PIP4K2A: variants seen among roughly 807,000 people sequenced by gnomAD.
PIP4K2A encodes phosphatidylinositol 5-phosphate 4-kinase type-2 alpha.
A neutral mutation model predicts 42.9 loss-of-function variants in PIP4K2A; 14 were observed. The observed-to-expected ratio is 0.33, with a 90% CI of 0.22 to 0.51. The LOEUF (loss-of-function observed/expected upper bound fraction) is 0.51, where lower values mean the gene tolerates loss of function less well. Ranked by LOEUF, PIP4K2A falls within the 20% of genes least tolerant of loss-of-function variation. PIP4K2A has a pLI of 0.97. For missense variants in PIP4K2A, 434 were observed against 519.8 expected (o/e 0.83, Z 1.61); for synonymous variants, 192 against 192.2 (o/e 1.00, Z 0.01).
At chr10:22,708,439 G>A (rs16922619) in intron 1 of PIP4K2A, among the ~76,000 whole-genome samples, 6,081 of 152,110 alleles carry the variant, frequency 0.04, 309 homozygotes, top group African/African-American at 0.12. Context: ...AGTGGCTCCC[G>A]AGCTCCAATC....
chr10:22,546,418 A>C lies in PIP4K2A; in HGVS notation c.792+4241T>G, dbSNP rs567759475. 3.9e-5 allele frequency among the ~76,000 whole-genome samples: 6 copies of C among 152,164 alleles called. No homozygotes were observed. In the East Asian group the frequency reaches 9.7e-4, roughly 25 times the overall value. On this transcript the variant is annotated intron_variant, in intron 7 of 9. Transcript: ENST00000376573. ...CACGGGCTCTCATCTTCAAAACGTT[A>C]AATTTCTTTTTGAGACAGGGTCTGG...
At position 22,595,665 on chromosome 10, in the gene PIP4K2A, G is replaced by A. The variant is rs553316868; in HGVS notation, c.340-3884C>T. ...CCAGCTACTTGGGAGGCTGAGGCAC[G>A]AGAATTGTTTGAACCTGGGAGGCAG... On this transcript the variant is annotated intron_variant, in intron 3 of 9. Transcript: ENST00000376573. Among the ~76,000 whole-genome samples, 32 of 152,186 alleles carry A rather than the reference G, an allele frequency of 2.1e-4. No individual in the cohort carries two copies. In the South Asian group the frequency reaches 6.4e-3, roughly 31 times the overall value.
At chr10:22,627,065 C>T (rs1255408179) in intron 1 of PIP4K2A, among the ~76,000 whole-genome samples, 1 of 151,482 alleles carries the variant, frequency 6.6e-6, no homozygotes, top group Non-Finnish European at 1.5e-5. Context: ...TCCTCCCACG[C>T]ATTCTATGTA....
chr10:22,553,080 C>T (rs1223959066), intron 6 of PIP4K2A, among the ~76,000 whole-genome samples: 1 of 152,190 alleles, frequency 6.6e-6, no homozygotes, highest in Non-Finnish European at 1.5e-5. Flanking sequence ...ACTCTGGACA[C>T]CATGTACTCT....
At chr10:22,585,078 C>T (rs1837362726) in intron 4 of PIP4K2A, among the ~76,000 whole-genome samples, 1 of 152,186 alleles carries the variant, frequency 6.6e-6, no homozygotes. Flanking sequence ...AGCACTGACA[C>T]AATGTGGAAC....
intron 4 of PIP4K2A, among the ~76,000 whole-genome samples, chr10:22,589,813 C>T (rs1266512044): frequency 1.3e-5 from 2 of 152,136 alleles, no homozygotes; most frequent in East Asian, 1.9e-4. Flanking sequence ...TCAGGACCTG[C>T]GGCACTTTAT....
rs1161756129 is a variant in PIP4K2A at position 22,664,216 on chromosome 10, TAC to T, written c.144+49965_144+49966del. On this transcript the variant is annotated intron_variant, in intron 1 of 9. Transcript: ENST00000376573. The stretch of plus-strand genomic sequence containing the variant: ...ACATATATATATACATATATATATA[TAC>T]ATATATATATACACACACACACACA... 1.7e-3 allele frequency among the ~76,000 whole-genome samples: 65 copies of T among 38,304 alleles called. 2 individuals carry two copies. Among genetic ancestry groups the T allele is most frequent in the Non-Finnish European group, 2.6e-3 (57 of 21,706 alleles). The allele number at this position is 38,304 out of a possible 152,430, so 25.1% of individuals were successfully genotyped here.
Position 22,541,897 on chromosome 10 carries a change from C to G in PIP4K2A, c.943G>C (p.Asp315His). 2 of 1,613,718 alleles carry G rather than the reference C, an allele frequency of 1.2e-6. No individual in the cohort carries two copies. Among genetic ancestry groups the G allele is most frequent in the African/African-American group, 2.7e-5 (2 of 75,034 alleles). The change falls in exon 8 of 10, where the codon GAT (aspartate) becomes CAT (histidine). Residue 315 changes from aspartate to histidine, a missense_variant. Asp to His is a moderately conservative substitution (Grantham distance 81, BLOSUM62 -1). Around this residue, in one of 2 missense-constraint regions of PIP4K2A, gnomAD observed 395 missense variants for 444.5 expected, o/e 0.89. Transcript: ENST00000376573. ...DGTHPVGTPP[D>H]SPGNTLNSSP... ...CTGTTCAGTGTATTCCCGGGGCTAT[C>G]TGGGGGGGTTCCCACCGGGTGGGTG...
intron 5 of PIP4K2A, among the ~76,000 whole-genome samples, chr10:22,569,701 C>T (rs1836937400): frequency 1.3e-5 from 2 of 151,996 alleles, no homozygotes; most frequent in Admixed American, 6.6e-5. Context: ...GTTTCCTCTC[C>T]TACAATATAA....
intron 1 of PIP4K2A, among the ~76,000 whole-genome samples, chr10:22,629,217 C>A (rs1434044665): frequency 6.6e-6 from 1 of 152,164 alleles, no homozygotes; most frequent in Non-Finnish European, 1.5e-5. Context: ...TCTAAACATA[C>A]ACTATTGAAA....
chr10:22,708,713 G>A (rs1365166618), intron 1 of PIP4K2A, among the ~76,000 whole-genome samples: 3 of 152,124 alleles, frequency 2.0e-5, no homozygotes, highest in Non-Finnish European at 4.4e-5. Context: ...AGTACCACCC[G>A]AGAGTATGAT....
intron 4 of PIP4K2A, among the ~76,000 whole-genome samples, chr10:22,573,785 A>G (rs1235274449): frequency 6.6e-6 from 1 of 152,142 alleles, no homozygotes; most frequent in Non-Finnish European, 1.5e-5. Flanking sequence ...GGGATATTAC[A>G]CTCCACCTAG....
chr10:22,606,014 A>G (rs1030861307), intron 3 of PIP4K2A, among the ~76,000 whole-genome samples: 2 of 152,096 alleles, frequency 1.3e-5, no homozygotes, highest in Admixed American at 6.5e-5. Flanking sequence ...TCAAGTCCAT[A>G]ATTGTGATCT....
intron 7 of PIP4K2A, among the ~76,000 whole-genome samples, chr10:22,548,744 G>A (rs1302122376): frequency 2.0e-5 from 3 of 152,174 alleles, no homozygotes; most frequent in African/African-American, 7.2e-5. Context: ...CGTTTTGTTT[G>A]TTTGAAGTAG....
intron 1 of PIP4K2A, among the ~76,000 whole-genome samples, chr10:22,666,228 T>C (rs1339023018): frequency 6.6e-6 from 1 of 152,222 alleles, no homozygotes; most frequent in Non-Finnish European, 1.5e-5. Context: ...ATTACACAAA[T>C]TCTTCCACCA....
At chr10:22,650,662 AAC>A (rs567646903) in intron 1 of PIP4K2A, among the ~76,000 whole-genome samples, 218 of 152,350 alleles carry the variant, frequency 1.4e-3, no homozygotes, top group African/African-American at 5.0e-3. Context: ...TAATGTTCTC[AAC>A]AGAGATAAAC....
chr10:22,608,243 G>C (rs1837952859), intron 2 of PIP4K2A, among the ~76,000 whole-genome samples: 1 of 152,158 alleles, frequency 6.6e-6, no homozygotes, highest in South Asian at 2.1e-4. Flanking sequence ...GGCACGCTTG[G>C]ACTATGTGAC....
intron 1 of PIP4K2A, among the ~76,000 whole-genome samples, chr10:22,676,240 C>A (rs1315629701): frequency 2.0e-5 from 3 of 152,080 alleles, no homozygotes; most frequent in Non-Finnish European, 4.4e-5. Flanking sequence ...GACCAACTTA[C>A]ATTAAACAGC....
chr10:22,559,520 T>C (rs1028936561), intron 6 of PIP4K2A, among the ~76,000 whole-genome samples: 2 of 152,216 alleles, frequency 1.3e-5, no homozygotes, highest in Non-Finnish European at 2.9e-5. Flanking sequence ...AGTCACTGCA[T>C]GTGATCCTCT....
Sources: allele counts gnomAD v4.1 joint callset (sites outside exome capture counted in the v4.1 genomes callset), GRCh38; gene constraint gnomAD v4.1.1; regional missense constraint gnomAD v4.1.1; transcripts MANE v1.5; gene names NCBI Gene and HGNC (gene_info 2026-07-23, HGNC 2026-07-21).